CSMD1: variants seen among roughly 807,000 people sequenced by gnomAD.
CSMD1 encodes the protein CUB and sushi domain-containing protein 1.
CSMD1 carries 213 observed loss-of-function variants against 417.5 expected under a neutral mutation model. That is an observed-to-expected ratio of 0.51 (90% confidence interval 0.46 to 0.57). The LOEUF (loss-of-function observed/expected upper bound fraction) is 0.57, where lower values mean the gene tolerates loss of function less well. CSMD1 is among the 20% of genes least tolerant of loss of function. CSMD1 has a pLI of 0.00. For synonymous variants in CSMD1, 2,862 were observed against 1,736.8 expected, an observed-to-expected ratio of 1.65 and a Z score of -16.11; for missense variants, 6,923 against 4,529.7, an observed-to-expected ratio of 1.53 and a Z score of -15.17.
At chr8:4,449,936 ATGCTCAATTT>A (rs1490364676) in intron 2 of CSMD1, among the ~76,000 whole-genome samples, 4 of 152,278 alleles carry the variant, frequency 2.6e-5, no homozygotes, top group East Asian at 1.9e-4. Context: ...TACACAGAAG[ATGCTCAATTT>A]TGCTCTTTTT....
At chr8:4,640,997 T>A (rs767592070) in intron 1 of CSMD1, among the ~76,000 whole-genome samples, 1 of 151,712 alleles carries the variant, frequency 6.6e-6, no homozygotes, top group Non-Finnish European at 1.5e-5. Flanking sequence ...ATGTGTATAT[T>A]TTTCCTAGTG....
At chr8:3,089,214 G>A (rs138305163) in intron 48 of CSMD1, among the ~76,000 whole-genome samples, 4 of 152,292 alleles carry the variant, frequency 2.6e-5, no homozygotes, top group African/African-American at 9.6e-5. Flanking sequence ...GGAAAAGCTG[G>A]GATATAGAAT....
intron 1 of CSMD1, among the ~76,000 whole-genome samples, chr8:4,967,904 G>T (rs371615322): frequency 5.3e-5 from 8 of 152,150 alleles, no homozygotes; most frequent in African/African-American, 1.7e-4. Flanking sequence ...GTGTGTGGAA[G>T]CAGAACATTT....
chr8:3,222,160 G>C (rs1326094437), intron 28 of CSMD1, among the ~76,000 whole-genome samples: 2 of 152,090 alleles, frequency 1.3e-5, no homozygotes, highest in African/African-American at 4.8e-5. Flanking sequence ...CTATGGGTTG[G>C]GAGAGGCTTA....
intron 3 of CSMD1, among the ~76,000 whole-genome samples, chr8:4,110,083 A>G (rs767058798): frequency 3.9e-5 from 6 of 152,152 alleles, no homozygotes; most frequent in Non-Finnish European, 8.8e-5. Flanking sequence ...GTGGAATAAT[A>G]AGCTTTCCTC....
chr8:4,040,129 T>G (rs1398797601), intron 3 of CSMD1, among the ~76,000 whole-genome samples: 1 of 152,174 alleles, frequency 6.6e-6, no homozygotes, highest in Non-Finnish European at 1.5e-5. Flanking sequence ...ACAATATTTT[T>G]AAAGGGTATG....
chr8:3,597,254 G>C (rs1030170116), intron 8 of CSMD1, among the ~76,000 whole-genome samples: 2 of 152,246 alleles, frequency 1.3e-5, no homozygotes, highest in African/African-American at 2.4e-5. Flanking sequence ...AGGCTGTCTA[G>C]AGGCACCGGT....
intron 2 of CSMD1, among the ~76,000 whole-genome samples, chr8:4,505,794 CT>C (rs1214545798): frequency 1.3e-5 from 2 of 151,716 alleles, no homozygotes; most frequent in African/African-American, 2.4e-5. Flanking sequence ...GAGTTCCACA[CT>C]CATGTTCAAT....
intron 5 of CSMD1, among the ~76,000 whole-genome samples, chr8:3,767,019 A>G (rs28485243): frequency 0.093 from 14,188 of 152,228 alleles, 672 homozygotes; most frequent in Middle Eastern, 0.099. Flanking sequence ...CTGAGATCAT[A>G]TGAGCTCTCA....
chr8:4,401,031 A>G (rs573225913), intron 3 of CSMD1, among the ~76,000 whole-genome samples: 1 of 152,268 alleles, frequency 6.6e-6, no homozygotes, highest in South Asian at 2.1e-4. Flanking sequence ...TCTGAAAGTT[A>G]ATATACGCTG....
intron 2 of CSMD1, among the ~76,000 whole-genome samples, chr8:4,512,503 G>A (rs1802876503): frequency 1.3e-5 from 2 of 152,044 alleles, no homozygotes; most frequent in Non-Finnish European, 2.9e-5. Flanking sequence ...TTCCCTGCAG[G>A]TGACACAACT....
chr8:4,210,557 T>C (rs1800244318), intron 3 of CSMD1, among the ~76,000 whole-genome samples: 2 of 152,090 alleles, frequency 1.3e-5, no homozygotes, highest in South Asian at 2.1e-4. Context: ...AAAGCACAAA[T>C]AGGAAACACA....
At chr8:3,405,881 T>G (rs2116895860) in intron 15 of CSMD1, 146 bp downstream of exon 15, 1 of 671,482 alleles carries the variant, frequency 1.5e-6, no homozygotes, top group South Asian at 2.4e-5. Flanking sequence ...ACTGGGAGAC[T>G]GTACACTCCT....
chr8:4,079,798 T>G (rs1334053438), intron 3 of CSMD1, among the ~76,000 whole-genome samples: 1 of 152,124 alleles, frequency 6.6e-6, no homozygotes, highest in African/African-American at 2.4e-5. Flanking sequence ...ATCAGGTTAG[T>G]AGCAGGGAGT....
At chr8:3,772,820 C>T (rs530144176) in intron 5 of CSMD1, among the ~76,000 whole-genome samples, 1 of 151,926 alleles carries the variant, frequency 6.6e-6, no homozygotes, top group East Asian at 1.9e-4. Context: ...GTGTTTAAGC[C>T]ATCTTACAGC....
intron 18 of CSMD1, 57 bp downstream of exon 18, chr8:3,387,437 C>A: frequency 1.4e-6 from 2 of 1,415,726 alleles, no homozygotes; most frequent in Non-Finnish European, 1.9e-6. Flanking sequence ...GCTAGTTAGA[C>A]GTGTGCGCTG....
At chr8:4,031,239 C>G (rs1267826873) in intron 4 of CSMD1, among the ~76,000 whole-genome samples, 1 of 152,180 alleles carries the variant, frequency 6.6e-6, no homozygotes, top group African/African-American at 2.4e-5. Flanking sequence ...CATTTTCACA[C>G]TGCTGATAAA....
chr8:3,355,842 G>C (rs898122256), intron 21 of CSMD1, among the ~76,000 whole-genome samples: 8 of 152,108 alleles, frequency 5.3e-5, no homozygotes, highest in Admixed American at 2.6e-4. Context: ...AAGTGAAAAA[G>C]AAGATCCTAA....
intron 6 of CSMD1, among the ~76,000 whole-genome samples, chr8:3,725,608 G>A (rs895578620): frequency 6.6e-6 from 1 of 152,116 alleles, no homozygotes; most frequent in African/African-American, 2.4e-5. Context: ...TTAGGAGAGA[G>A]AAGGTTTCAG....
Sources: allele counts gnomAD v4.1 joint callset (sites outside exome capture counted in the v4.1 genomes callset), GRCh38; gene constraint gnomAD v4.1.1; transcripts MANE v1.5; gene names NCBI Gene and HGNC (gene_info 2026-07-23, HGNC 2026-07-21).